IL1RAPL1: variants seen among roughly 807,000 people sequenced by gnomAD.
The protein encoded by IL1RAPL1 is interleukin 1 receptor accessory protein like 1.
IL1RAPL1 carries 3 observed loss-of-function variants against 48.4 expected under a neutral mutation model. That is an observed-to-expected ratio of 0.06 (90% CI 0.03 to 0.16). The LOEUF (loss-of-function observed/expected upper bound fraction) is 0.16. Ranked by LOEUF, IL1RAPL1 falls within the 10% of genes least tolerant of loss-of-function variation. The pLI is 1.00. For missense variants in IL1RAPL1, 349 were observed against 530.6 expected (o/e 0.66, Z 3.36); for synonymous variants, 185 against 187.7 (o/e 0.99, Z 0.12).
At chrX:28,966,300 T>C (rs1236385860) in intron 2 of IL1RAPL1, among the ~76,000 whole-genome samples, 1 of 112,153 alleles carries the variant, frequency 8.9e-6, no homozygotes, top group African/African-American at 3.2e-5. Context: ...CTCTCGTTCC[T>C]TTTATTTCCT....
chrX:29,642,582 AT>A (rs1416254444), intron 5 of IL1RAPL1, among the ~76,000 whole-genome samples: 3 of 112,350 alleles, frequency 2.7e-5, no homozygotes, highest in Non-Finnish European at 5.6e-5. Flanking sequence ...CTCTAATAGT[AT>A]TGGATTGGAT....
chrX:28,884,070 A>T (rs1922570562), intron 2 of IL1RAPL1, among the ~76,000 whole-genome samples: 1 of 111,940 alleles, frequency 8.9e-6, no homozygotes, highest in Admixed American at 9.5e-5. Flanking sequence ...GATATACCTA[A>T]TGCTAGATGA....
intron 5 of IL1RAPL1, among the ~76,000 whole-genome samples, chrX:29,414,138 G>A (rs1934184347): frequency 9.0e-6 from 1 of 110,890 alleles, no homozygotes; most frequent in South Asian, 3.7e-4. Context: ...ACCTAGAATA[G>A]GCAAATTCAT....
At chrX:28,852,068 G>A (rs1475923494) in intron 2 of IL1RAPL1, among the ~76,000 whole-genome samples, 1 of 111,893 alleles carries the variant, frequency 8.9e-6, no homozygotes, top group Non-Finnish European at 1.9e-5. Context: ...CCACTCAGTT[G>A]CTACACATGA....
intron 5 of IL1RAPL1, among the ~76,000 whole-genome samples, chrX:29,655,588 G>A (rs770442160): frequency 1.9e-5 from 2 of 104,464 alleles, no homozygotes; most frequent in African/African-American, 3.5e-5. Flanking sequence ...GCTTGAACCC[G>A]GGAGACGGAG....
intron 6 of IL1RAPL1, among the ~76,000 whole-genome samples, chrX:29,837,572 A>G (rs1569182751): frequency 1.8e-5 from 2 of 111,232 alleles, no homozygotes. Flanking sequence ...AGCTGGATAT[A>G]AACTCCTATC....
intron 5 of IL1RAPL1, among the ~76,000 whole-genome samples, chrX:29,546,448 C>T (rs750738336): frequency 2.0e-3 from 222 of 111,235 alleles, no homozygotes; most frequent in Non-Finnish European, 3.5e-3. Flanking sequence ...TTGCATTCTG[C>T]GAAGAAATAT....
chrX:29,215,791 CA>C (rs772748597), intron 2 of IL1RAPL1, among the ~76,000 whole-genome samples: 2 of 111,581 alleles, frequency 1.8e-5, no homozygotes, highest in Non-Finnish European at 3.8e-5. Flanking sequence ...AGACAGCAAA[CA>C]GCATTTTTGT....
chrX:28,791,044 GATTA>G (rs1042465545), intron 2 of IL1RAPL1, among the ~76,000 whole-genome samples: 1 of 111,056 alleles, frequency 9.0e-6, no homozygotes, highest in Non-Finnish European at 1.9e-5. Flanking sequence ...TAGAAATATT[GATTA>G]ATTCTTTAAA....
intron 6 of IL1RAPL1, among the ~76,000 whole-genome samples, chrX:29,817,008 C>G (rs751913889): frequency 1.8e-5 from 2 of 110,253 alleles, no homozygotes; most frequent in Non-Finnish European, 3.8e-5. Flanking sequence ...CTCCTCTGCT[C>G]TCTCTCCTTT....
chrX:28,717,007 T>C (rs1456785878), intron 1 of IL1RAPL1, among the ~76,000 whole-genome samples: 2 of 111,573 alleles, frequency 1.8e-5, no homozygotes, highest in Admixed American at 1.9e-4. Context: ...TAACAGATAC[T>C]GGTGAGGTTG....
At chrX:29,163,079 A>G (rs897741713) in intron 2 of IL1RAPL1, among the ~76,000 whole-genome samples, 1 of 110,279 alleles carries the variant, frequency 9.1e-6, no homozygotes, top group Non-Finnish European at 1.9e-5. Context: ...TCTCAAAAAA[A>G]AAAAAAAGAA....
At chrX:28,605,437 C>T (rs185998379) in intron 1 of IL1RAPL1, among the ~76,000 whole-genome samples, 244 of 111,726 alleles carry the variant, frequency 2.2e-3, no homozygotes, top group African/African-American at 7.5e-3. Flanking sequence ...TCTCACAAAC[C>T]ACATCCAGTC....
chrX:29,670,007 G>A (rs1314421752), intron 6 of IL1RAPL1, among the ~76,000 whole-genome samples: 2 of 111,483 alleles, frequency 1.8e-5, no homozygotes, highest in African/African-American at 3.3e-5. Context: ...ATTTTGGGCC[G>A]AGAATGGAGG....
At chrX:28,928,191 A>G (rs924819126) in intron 2 of IL1RAPL1, among the ~76,000 whole-genome samples, 3 of 111,333 alleles carry the variant, frequency 2.7e-5, no homozygotes, top group Non-Finnish European at 5.7e-5. Context: ...TATAAACTTC[A>G]TATCTAATCA....
At chrX:28,855,839 A>T (rs1463458258) in intron 2 of IL1RAPL1, among the ~76,000 whole-genome samples, 1 of 111,682 alleles carries the variant, frequency 9.0e-6, no homozygotes, top group Non-Finnish European at 1.9e-5. Flanking sequence ...ATATACAAAT[A>T]GGAAAAATCT....
intron 5 of IL1RAPL1, among the ~76,000 whole-genome samples, chrX:29,465,216 G>A (rs1243400665): frequency 2.7e-5 from 3 of 110,982 alleles, no homozygotes; most frequent in Admixed American, 9.6e-5. Context: ...GCCAGCCTGG[G>A]CAACATAGTG....
intron 1 of IL1RAPL1, among the ~76,000 whole-genome samples, chrX:28,779,512 C>T (rs1936394281): frequency 9.4e-6 from 1 of 105,857 alleles, no homozygotes; most frequent in Admixed American, 1.0e-4. Flanking sequence ...AAATCTAACC[C>T]GAATTAGTTT....
At chrX:28,701,805 A>G (rs1039007755) in intron 1 of IL1RAPL1, among the ~76,000 whole-genome samples, 6 of 111,465 alleles carry the variant, frequency 5.4e-5, no homozygotes, top group African/African-American at 2.0e-4. Context: ...CAGAAAAGTT[A>G]TACAGCAGAA....
Sources: allele counts gnomAD v4.1 joint callset (sites outside exome capture counted in the v4.1 genomes callset), GRCh38; gene constraint gnomAD v4.1.1; transcripts MANE v1.5; gene names NCBI Gene and HGNC (gene_info 2026-07-23, HGNC 2026-07-21).